The following SPPL2B variants were observed in gnomAD, a reference collection of about 807,000 sequenced individuals.
The protein encoded by SPPL2B is signal peptide peptidase like 2B.
In SPPL2B, 39 loss-of-function variants were observed where a neutral mutation model predicts 59.7. The ratio of observed to expected loss-of-function variants is 0.65; its 90% CI spans 0.51 to 0.85. The LOEUF (loss-of-function observed/expected upper bound fraction) is 0.85, where lower values mean the gene tolerates loss of function less well. Ranked by LOEUF, SPPL2B falls within the 40% of genes least tolerant of loss-of-function variation. SPPL2B has a pLI of 0.00. For synonymous variants in SPPL2B, 419 were observed against 370.8 expected (o/e 1.13, Z -1.49); for missense variants, 865 against 849.0 (o/e 1.02, Z -0.23).
chr19:2,337,197 A>G (rs1968699724), intron 2 of SPPL2B: 1 of 403,450 alleles, frequency 2.5e-6, no homozygotes, highest in African/African-American at 2.1e-5. Flanking sequence ...TGGCTCAGGT[A>G]TCAGGGGACA....
At chr19:2,335,318 C>G (rs147818569) in intron 2 of SPPL2B, among the ~76,000 whole-genome samples, 38 of 106,996 alleles carry the variant, frequency 3.6e-4, no homozygotes, top group South Asian at 7.9e-4. Flanking sequence ...CCCACTGCAT[C>G]CTTCAGGCCC....
rs1374015381 is a variant in SPPL2B, at chr19:2,343,193, T to C, written c.957-18T>C. On this transcript the variant is annotated intron_variant, in intron 8 of 14. Coordinates refer to ENST00000613503, the MANE Select transcript of SPPL2B (RefSeq NM_152988.3). ...CAGCCAGCCTCTGCCCCGGCGAGGA[T>C]GCTGCTTTGTCTTGCAGGTGGGCCT... 6.4e-7 allele frequency: 1 copy of C among 1,550,560 alleles called. No homozygotes were observed. Among genetic ancestry groups the C allele is most frequent in the Admixed American group, 2.0e-5 (1 of 51,098 alleles).
At chr19:2,339,323 C>A in intron 5 of SPPL2B, 115 bp downstream of exon 5, 1 of 1,174,686 alleles carries the variant, frequency 8.5e-7, no homozygotes, top group Non-Finnish European at 1.2e-6. Flanking sequence ...GCACGGCTCG[C>A]CCCGTGGAGC....
chr19:2,352,023 C>G lies in SPPL2B; in HGVS notation c.1515+429C>G, dbSNP rs530294170. ...TGACTGGGGGTGGGGCCGCAGGGCC[C>G]TGGACGAGGGGAGCAGGCCTGCCCT... On this transcript the variant is annotated intron_variant, in intron 14 of 14. Transcript: ENST00000613503. Among the ~76,000 whole-genome samples the G allele has an allele frequency of 3.3e-5, 5 of 152,332 alleles. No homozygotes were observed. The East Asian group carries it at 9.7e-4, about 29-fold the overall frequency.
Position 2,332,748 on chromosome 19 carries a change from C to T in SPPL2B, c.67-1854C>T, listed in dbSNP as rs1014693774. Reference sequence around the variant, plus strand: ...GGTTTTTCTTCTGGGACCCCTCCTCCCTGTGCAGGCCGGGCTCCCCTGGGG... The same window carrying T: ...GGTTTTTCTTCTGGGACCCCTCCTCTCTGTGCAGGCCGGGCTCCCCTGGGG... On this transcript the variant is annotated intron_variant, in intron 1 of 14. Coordinates refer to ENST00000613503, the MANE Select transcript of SPPL2B (RefSeq NM_152988.3). The surrounding 1 kb of genome is among the most constrained non-coding windows in gnomAD (Gnocchi z 4.6). Among the ~76,000 whole-genome samples, 2 of 152,156 alleles carry T rather than the reference C, an allele frequency of 1.3e-5. No individual in the cohort carries two copies. Among genetic ancestry groups the T allele is most frequent in the Non-Finnish European group, 2.9e-5 (2 of 68,018 alleles).
chr19:2,335,618 C>G (rs569759807), intron 2 of SPPL2B, among the ~76,000 whole-genome samples: 1 of 150,576 alleles, frequency 6.6e-6, no homozygotes, highest in Non-Finnish European at 1.5e-5. Flanking sequence ...TGCCTCCTTT[C>G]CCACTGCATC....
chr19:2,338,033 G>A (rs1027356161), intron 3 of SPPL2B: 1 of 34,388 alleles, frequency 2.9e-5, no homozygotes, highest in Non-Finnish European at 4.5e-5. Context: ...GGCCGTGCTC[G>A]CCTGTGGTCC....
Position 2,332,051 on chromosome 19 carries a change from C to T in SPPL2B, c.67-2551C>T, listed in dbSNP as rs970595231. 1.3e-5 allele frequency among the ~76,000 whole-genome samples: 2 copies of T among 152,212 alleles called. 1 individual carries two copies. Among genetic ancestry groups the T allele is most frequent in the Middle Eastern group, 6.3e-3 (2 of 316 alleles). On this transcript the variant is annotated intron_variant, in intron 1 of 14. Transcript: ENST00000613503. The surrounding 1 kb of genome is among the most constrained non-coding windows in gnomAD (Gnocchi z 4.6). Reference sequence around the variant, plus strand: ...CCAGACTAAGGGGTGCTCTCACGGGCAGGCAGTCTGGTGGGCAGAACTGGA... The same window carrying T: ...CCAGACTAAGGGGTGCTCTCACGGGTAGGCAGTCTGGTGGGCAGAACTGGA...
chr19:2,348,203 C>T (rs1297134159), intron 13 of SPPL2B, among the ~76,000 whole-genome samples: 1 of 128,012 alleles, frequency 7.8e-6, no homozygotes, highest in African/African-American at 3.0e-5. Flanking sequence ...ATTCCGTTCT[C>T]TCTCCACACA....
At chr19:2,336,534 CGTGT>C (rs1014326254) in intron 2 of SPPL2B, among the ~76,000 whole-genome samples, 3 of 150,884 alleles carry the variant, frequency 2.0e-5, no homozygotes, top group African/African-American at 7.3e-5. Context: ...GTTCATGTGG[CGTGT>C]GTGTATGCAT....
At position 2,337,662 on chromosome 19, in the gene SPPL2B, A is replaced by G. The variant is rs778565377; in HGVS notation, c.369+37A>G. The G allele has an allele frequency of 7.3e-6, 11 of 1,498,558 alleles. No individual in the cohort carries two copies. In the Admixed American group the frequency reaches 1.5e-4, roughly 20 times the overall value. 92.8% of individuals were successfully genotyped at this position (1,498,558 alleles called of 1,614,324 possible). On this transcript the variant is annotated intron_variant, in intron 3 of 14. Transcript: ENST00000613503. ...TGCGTCCCCCGCTGGGCCAGCTCTC[A>G]GGGGCAGGAGGGGGGTGCAGGAGGC... is the stretch of plus-strand genomic sequence containing the variant.
At chr19:2,338,385 T>G in intron 3 of SPPL2B, 1 of 171,690 alleles carries the variant, frequency 5.8e-6, no homozygotes, top group South Asian at 1.6e-4. Context: ...GCCGTCGTAG[T>G]TGAGAGAGGC....
chr19:2,337,789 C>A, intron 3 of SPPL2B, 164 bp downstream of exon 3: 1 of 683,524 alleles, frequency 1.5e-6, no homozygotes, highest in South Asian at 2.1e-5. Context: ...AGGATCCGGG[C>A]CGAGTGTGGC....
At chr19:2,341,060 GGTGC>G (rs747909868) in intron 8 of SPPL2B, 46 bp downstream of exon 8, 3 of 1,393,398 alleles carry the variant, frequency 2.2e-6, no homozygotes, top group Non-Finnish European at 3.0e-6. Context: ...GGAGTCCTCG[GGTGC>G]ACCAGGGCTC....
chr19:2,339,580 G>T (rs986857018), intron 5 of SPPL2B: 54 of 597,878 alleles, frequency 9.0e-5, no homozygotes, highest in Admixed American at 1.5e-4. Flanking sequence ...CTGCCCACAC[G>T]CCAGCCTCTG....
rs1969164154 is a variant in SPPL2B, at chr19:2,343,282, C to T, written c.1028C>T (p.Pro343Leu). The change falls in exon 9 of 15, where the codon CCC (proline) becomes CTC (leucine). Residue 343 changes from proline (P) to leucine (L), a missense_variant. Physicochemically the swap from Pro to Leu is moderately conservative, Grantham distance 98. Transcript: ENST00000613503. ...CLYMLKTIRL[P>L]TFKACTLLLL... ...TACATGCTGAAGACCATCCGTCTGC[C>T]CACCTTCAAGGTGAGTGCAGGGAGG... 2.5e-5 allele frequency: 39 copies of T among 1,553,036 alleles called. No homozygotes were observed. The highest frequency in any genetic ancestry group is 3.4e-5 in the Non-Finnish European group (39 of 1,147,940).
intron 5 of SPPL2B, 130 bp from the exon 6 acceptor site, chr19:2,339,694 A>G (rs10445607): frequency 0.96 from 1,034,968 of 1,073,428 alleles, 499,096 homozygotes; most frequent in African/African-American, 0.99. Flanking sequence ...GGTTCCTTGC[A>G]CTTCAGTCCC....
intron 5 of SPPL2B, 182 bp from the exon 6 acceptor site, chr19:2,339,642 C>A (rs1159172241): frequency 2.9e-6 from 2 of 680,074 alleles, no homozygotes; most frequent in Admixed American, 2.8e-5. Flanking sequence ...GCCCTGCCAC[C>A]CTCTGCTGTG....
intron 14 of SPPL2B, 63 bp from the exon 15 acceptor site, chr19:2,352,883 C>T: frequency 1.3e-5 from 20 of 1,583,924 alleles, no homozygotes; most frequent in Non-Finnish European, 1.7e-5. Context: ...GTGTCCTGGC[C>T]CCTGCCAGGG....
Sources: gnomAD v4.1 joint callset for allele counts (sites outside exome capture counted in the v4.1 genomes callset) on GRCh38, gnomAD v4.1.1 for gene constraint, Gnocchi (gnomAD v3.1) non-coding constraint, MANE v1.5 for transcripts, NCBI Gene and HGNC (gene_info 2026-07-23, HGNC 2026-07-21) for gene names.